The following HIRA variants were observed in gnomAD, a reference collection of about 807,000 sequenced individuals.
HIRA encodes the protein histone cell cycle regulator.
In HIRA, 13 loss-of-function variants were observed where a neutral mutation model predicts 126.6. The observed-to-expected ratio is 0.10, with a 90% CI of 0.07 to 0.16. HIRA has a LOEUF of 0.16. Among genes scored for constraint, HIRA ranks in the 10% least tolerant of loss-of-function variants. HIRA has a pLI of 1.00. For missense variants in HIRA, 834 were observed against 1,314.4 expected (o/e 0.63, Z 5.65); for synonymous variants, 511 against 520.0 (o/e 0.98, Z 0.24).
chr22:19,413,784 G>T (rs2089373369), intron 1 of HIRA, among the ~76,000 whole-genome samples: 1 of 151,824 alleles, frequency 6.6e-6, no homozygotes, highest in South Asian at 2.1e-4. Context: ...GCTAATTTTG[G>T]TATTTTTAGT....
Position 19,383,805 on chromosome 22 carries a change from T to C in HIRA, c.1330-100A>G, listed in dbSNP as rs867147493. 1.2e-5 allele frequency: 10 copies of C among 856,542 alleles called. No individual in the cohort carries two copies. The South Asian group carries it at 1.5e-4, about 13-fold the overall frequency. 53.1% of individuals were successfully genotyped at this position (856,542 alleles called of 1,614,324 possible). A position where few individuals can be genotyped will look rare whatever the true frequency, so the allele number is the denominator to read the frequency against. On this transcript the variant is annotated intron_variant, in intron 12 of 24. Transcript: ENST00000263208. ...CTTTTTTTCCTGGTGATAAGAACAC[T>C]AAGCATAAGATCCACCCTCTTAGCA...
rs1325383201 is a variant in HIRA at position 19,353,590 on chromosome 22, G to A, written c.2685-71C>T. On this transcript the variant is annotated intron_variant, in intron 22 of 24. Transcript: ENST00000263208. ...ACAGAGTCAGGAACTGCCCCCGTGTGCAACAGGCAAGGAGCTGGCAGGAGG... is the reference window on the plus strand; with the variant it reads ...ACAGAGTCAGGAACTGCCCCCGTGTACAACAGGCAAGGAGCTGGCAGGAGG... 4.8e-6 allele frequency: 7 copies of A among 1,454,368 alleles called. No individual in the cohort carries two copies. The African/African-American group carries it at 5.6e-5, about 12-fold the overall frequency. 90.1% of individuals were successfully genotyped at this position (1,454,368 alleles called of 1,614,324 possible).
intron 1 of HIRA, among the ~76,000 whole-genome samples, chr22:19,420,462 C>CA (rs760003741): frequency 0.27 from 17,211 of 63,364 alleles, 1,649 homozygotes; most frequent in East Asian, 0.35. Flanking sequence ...AAAACTGTCT[C>CA]AAAAAAAAAA....
chr22:19,348,827 G>A (rs1432613189), intron 24 of HIRA, among the ~76,000 whole-genome samples: 6 of 150,198 alleles, frequency 4.0e-5, no homozygotes, highest in Non-Finnish European at 8.8e-5. Context: ...ATGGAGTTTC[G>A]CTCTTGTCGC....
At chr22:19,369,789 G>A (rs1439848716) in intron 15 of HIRA, among the ~76,000 whole-genome samples, 2 of 152,122 alleles carry the variant, frequency 1.3e-5, no homozygotes, top group African/African-American at 2.4e-5. Flanking sequence ...AAAATTAGCC[G>A]GGCGTCATGG....
chr22:19,401,003 CCACCTGGTCCT>C (rs1054165307), intron 5 of HIRA, among the ~76,000 whole-genome samples: 1 of 152,274 alleles, frequency 6.6e-6, no homozygotes, highest in Non-Finnish European at 1.5e-5. Flanking sequence ...CACTTGCCAA[CCACCTGGTCCT>C]TACCTCTCTC....
intron 24 of HIRA, among the ~76,000 whole-genome samples, chr22:19,346,474 A>G (rs1441988360): frequency 6.6e-6 from 1 of 152,238 alleles, no homozygotes; most frequent in African/African-American, 2.4e-5. Flanking sequence ...AAAAGGAACA[A>G]ATTCAGAATA....
At chr22:19,335,362 C>T (rs1325241391) in intron 24 of HIRA, among the ~76,000 whole-genome samples, 2 of 151,584 alleles carry the variant, frequency 1.3e-5, no homozygotes, top group African/African-American at 4.8e-5. Flanking sequence ...CTTGTGTCTT[C>T]GCCTCCTGAG....
intron 24 of HIRA, among the ~76,000 whole-genome samples, chr22:19,346,338 T>A (rs1941914450): frequency 1.3e-5 from 2 of 152,196 alleles, no homozygotes; most frequent in South Asian, 4.1e-4. Flanking sequence ...AGACTTCGTC[T>A]CAAATAAACA....
At chr22:19,386,120 A>C (rs2089124969) in intron 11 of HIRA, among the ~76,000 whole-genome samples, 1 of 152,226 alleles carries the variant, frequency 6.6e-6, no homozygotes, top group Admixed American at 6.5e-5. Context: ...GATTTTGGGA[A>C]TCAGATCCTA....
At chr22:19,359,086 T>C (rs1261849317) in intron 18 of HIRA, among the ~76,000 whole-genome samples, 2 of 152,136 alleles carry the variant, frequency 1.3e-5, no homozygotes, top group African/African-American at 4.8e-5. Flanking sequence ...GGTTCAAAGC[T>C]TGGCCTGGGT....
At chr22:19,431,339 C>A in intron 1 of HIRA, 101 bp downstream of exon 1, 2 of 1,312,354 alleles carry the variant, frequency 1.5e-6, no homozygotes, top group Non-Finnish European at 2.2e-6. Context: ...GGGTACCGGG[C>A]GTCAGGGGCG....
Position 19,410,757 on chromosome 22 carries a change from T to C in HIRA, c.59A>G (p.Asp20Gly). The part of the protein sequence containing the change: ...NHNGKPIFSV[D>G]IHPDGTKFAT... ...GAACTTGGTCCCGTCAGGGTGAATATCAACTGAAAAAATCGGCTTGCCTGG... is the reference window on the plus strand; with the variant it reads ...GAACTTGGTCCCGTCAGGGTGAATACCAACTGAAAAAATCGGCTTGCCTGG... The change falls in exon 2 of 25, where the codon GAT becomes GGT. Residue 20 changes from aspartate (D) to glycine (G), a missense_variant. By Grantham distance (94) the Asp-to-Gly change is moderately conservative. This residue lies in a region of HIRA where 102 missense variants were observed against 191.4 expected (regional missense o/e 0.53). Transcript: ENST00000263208. 1 of 1,613,752 alleles carries C rather than the reference T, an allele frequency of 6.2e-7. No individual in the cohort carries two copies. The highest frequency in any genetic ancestry group is 8.5e-7 in the Non-Finnish European group (1 of 1,179,894).
chr22:19,431,020 A>C (rs2089532254), intron 1 of HIRA, among the ~76,000 whole-genome samples: 1 of 152,100 alleles, frequency 6.6e-6, no homozygotes, highest in Non-Finnish European at 1.5e-5. Context: ...CCTCTTGCAG[A>C]TTTCGGATCT....
rs1377918480 is a variant in HIRA, at chr22:19,375,789, C to T, written c.1617G>A (p.Met539Ile). Residue 539 changes from methionine to isoleucine, a missense_variant, in exon 15 of 25, where the codon ATG (methionine) becomes ATA (isoleucine). Transcript: ENST00000263208. ...PAGDSVNKDS[M>I]NATSTPAALS... is the part of the protein sequence containing the mutation. ...ATGCAGCAGGAGTAGAGGTAGCATT[C>T]ATACTGGGGTGAAGAAGAGGGGAGG... The T allele has an allele frequency of 6.2e-7, 1 of 1,613,900 alleles. No individual in the cohort carries two copies. Among genetic ancestry groups the T allele is most frequent in the African/African-American group, 1.3e-5 (1 of 74,902 alleles).
intron 15 of HIRA, among the ~76,000 whole-genome samples, chr22:19,372,868 G>A (rs567846479): frequency 8.5e-5 from 13 of 152,202 alleles, no homozygotes; most frequent in African/African-American, 2.4e-4. Context: ...CACCGTGCCT[G>A]GCCAAGCTTT....
intron 5 of HIRA, among the ~76,000 whole-genome samples, chr22:19,403,596 A>T (rs1350164311): frequency 6.6e-6 from 1 of 152,228 alleles, no homozygotes; most frequent in African/African-American, 2.4e-5. Context: ...TGGGCAACAG[A>T]GCAGGACTCT....
chr22:19,430,927 G>T (rs116885906), intron 1 of HIRA, among the ~76,000 whole-genome samples: 9 of 152,096 alleles, frequency 5.9e-5, no homozygotes, highest in African/African-American at 2.2e-4. Flanking sequence ...GCGGGGGCCC[G>T]GGGCCCCCAA....
chr22:19,334,074 A>G (rs2088529408), intron 24 of HIRA, among the ~76,000 whole-genome samples: 1 of 151,396 alleles, frequency 6.6e-6, no homozygotes, highest in African/African-American at 2.4e-5. Flanking sequence ...TCCTGGGTTC[A>G]CACCATTCTC....
Sources: allele counts gnomAD v4.1 joint callset (sites outside exome capture counted in the v4.1 genomes callset), GRCh38; gene constraint gnomAD v4.1.1; regional missense constraint gnomAD v4.1.1; transcripts MANE v1.5; gene names NCBI Gene and HGNC (gene_info 2026-07-23, HGNC 2026-07-21).